The following API5 variants were observed in gnomAD, a reference collection of about 807,000 sequenced individuals.
API5 encodes FIF.
Under a neutral mutation model 71.9 loss-of-function variants are expected in API5, and 6 were observed. The ratio of observed to expected loss-of-function variants is 0.08; its 90% CI spans 0.05 to 0.16. The LOEUF (loss-of-function observed/expected upper bound fraction) is 0.16. API5 is among the 10% of genes least tolerant of loss of function. The pLI is 1.00. For synonymous variants in API5, 189 were observed against 221.3 expected (o/e 0.85, Z 1.30); for missense variants, 332 against 612.8 (o/e 0.54, Z 4.84).
At position 43,335,886 on chromosome 11, in the gene API5, T is replaced by A. The variant is rs183344229; in HGVS notation, c.1384T>A (p.Ser462Thr). Residue 462 changes from serine to threonine, a missense_variant, in exon 13 of 14, where the codon TCA becomes ACA. Physicochemically the swap from Ser to Thr is moderately conservative, Grantham distance 58 (BLOSUM62 1). Around this residue, in one of 3 missense-constraint regions of API5, gnomAD observed 168 missense variants for 343.9 expected, o/e 0.49. Coordinates refer to ENST00000531273, the MANE Select transcript of API5 (RefSeq NM_001142930.2). Reference sequence around the variant, plus strand: ...AAAGAGAGCCAGTGAAGATACAACTTCAGGTTCACCACCCAAGAAATCTTC... The same window carrying A: ...AAAGAGAGCCAGTGAAGATACAACTACAGGTTCACCACCCAAGAAATCTTC... ...GQKRASEDTT[S>T]GSPPKKSSAG... 6.2e-7 allele frequency: 1 copy of A among 1,612,520 alleles called. No homozygotes were observed. Among genetic ancestry groups the A allele is most frequent in the African/African-American group, 1.3e-5 (1 of 74,976 alleles).
intron 13 of API5, among the ~76,000 whole-genome samples, chr11:43,341,588 TA>T (rs1338050783): frequency 1.3e-5 from 2 of 151,928 alleles, no homozygotes; most frequent in African/African-American, 4.8e-5. Context: ...GCTGAGAAGA[TA>T]GGGGGAAGGA....
In API5 at chr11:43,320,131, C is replaced by T. The variant is rs573717739; in HGVS notation, c.232-690C>T. Among the ~76,000 whole-genome samples the T allele has an allele frequency of 4.9e-4, 74 of 150,832 alleles. 2 individuals are homozygous for T. In the South Asian group the frequency reaches 0.012, roughly 25 times the overall value. On this transcript the variant is annotated intron_variant, in intron 2 of 13. Transcript: ENST00000531273. Reference sequence around the variant, plus strand: ...TGCAATCTTGGCTCACTGCAACCTCCGCCTCCCTGGTTCAAGCGATTCTTC... The same window carrying T: ...TGCAATCTTGGCTCACTGCAACCTCTGCCTCCCTGGTTCAAGCGATTCTTC...
intron 5 of API5, among the ~76,000 whole-genome samples, chr11:43,322,957 A>G (rs1389562636): frequency 6.6e-6 from 1 of 152,214 alleles, no homozygotes; most frequent in Non-Finnish European, 1.5e-5. Context: ...GAGACTTGCA[A>G]GGTGACCTAT....
chr11:43,338,390 C>T (rs1235215719), intron 13 of API5, among the ~76,000 whole-genome samples: 2 of 152,036 alleles, frequency 1.3e-5, no homozygotes, highest in South Asian at 2.1e-4. Context: ...GTTTTCCTTC[C>T]AGTGCACAAA....
chr11:43,326,285 A>T (rs1387438968), intron 6 of API5, among the ~76,000 whole-genome samples: 1 of 152,060 alleles, frequency 6.6e-6, no homozygotes, highest in African/African-American at 2.4e-5. Context: ...TATATTTTTT[A>T]TTCTTTATCT....
chr11:43,337,729 A>G (rs1388819585), intron 13 of API5, among the ~76,000 whole-genome samples: 3 of 152,206 alleles, frequency 2.0e-5, no homozygotes, highest in African/African-American at 7.2e-5. Flanking sequence ...TAACAGTACC[A>G]TTCTTAAAAT....
chr11:43,330,252 T>C, intron 10 of API5, 194 bp downstream of exon 10: 1 of 618,288 alleles, frequency 1.6e-6, no homozygotes, highest in Non-Finnish European at 2.8e-6. Flanking sequence ...TCTATGTGCA[T>C]GTGACCTTAC....
chr11:43,317,239 A>T (rs932948043), intron 1 of API5, among the ~76,000 whole-genome samples: 1 of 152,162 alleles, frequency 6.6e-6, no homozygotes, highest in Non-Finnish European at 1.5e-5. Flanking sequence ...ATATATGTGT[A>T]GTCTTTCTGT....
At chr11:43,338,460 T>A (rs1855505476) in intron 13 of API5, among the ~76,000 whole-genome samples, 1 of 152,106 alleles carries the variant, frequency 6.6e-6, no homozygotes, top group Non-Finnish European at 1.5e-5. Flanking sequence ...TGTTCTTTAC[T>A]TTTTGGAATA....
At chr11:43,333,774 A>G (rs1277426666) in intron 11 of API5, among the ~76,000 whole-genome samples, 1 of 150,766 alleles carries the variant, frequency 6.6e-6, no homozygotes, top group Non-Finnish European at 1.5e-5. Flanking sequence ...ACTCTGGTTC[A>G]TGCAATCTCA....
intron 13 of API5, chr11:43,339,297 A>G (rs1205056460): frequency 1.3e-5 from 2 of 152,202 alleles, no homozygotes; most frequent in Non-Finnish European, 2.9e-5. Flanking sequence ...AATGGCAAAA[A>G]AATTGATTGC....
intron 11 of API5, chr11:43,332,084 T>C (rs1226332216): frequency 6.6e-6 from 1 of 152,218 alleles, no homozygotes; most frequent in African/African-American, 2.4e-5. Context: ...ATCTGTAAGT[T>C]ATCTAAAGGA....
Position 43,330,504 on chromosome 11 carries a change from G to A in API5, c.1222-4G>A, listed in dbSNP as rs1186329767. The A allele has an allele frequency of 3.1e-6, 5 of 1,590,304 alleles. No homozygotes were observed. Among genetic ancestry groups the A allele is most frequent in the East Asian group, 2.2e-5 (1 of 44,554 alleles). On this transcript the variant is annotated splice_region_variant and splice_polypyrimidine_tract_variant and intron_variant, in intron 10 of 13. Coordinates refer to ENST00000531273, the MANE Select transcript of API5 (RefSeq NM_001142930.2). ...TTTGTCTTAATTTTCCTTTCCCTTTGTAGAACAAGATTAAAGTCGTTGCAT... is the reference window on the plus strand; with the variant it reads ...TTTGTCTTAATTTTCCTTTCCCTTTATAGAACAAGATTAAAGTCGTTGCAT...
rs745837171 is a variant in API5 at position 43,330,033 on chromosome 11, C to T, written c.1196C>T (p.Thr399Met). Residue 399 changes from threonine to methionine, a missense_variant, in exon 10 of 14, where the codon ACG becomes ATG. Thr to Met is a moderately conservative substitution (Grantham distance 81). Around this residue, in one of 3 missense-constraint regions of API5, gnomAD observed 168 missense variants for 343.9 expected, o/e 0.49. Transcript: ENST00000531273. ...RQLRLALQGK[T>M]GEALKTEENK... ...CTTCGCTTAGCTCTCCAGGGTAAAA[C>T]GGGTGAGGCCTTAAAAACAGAAGAG... 6.2e-6 allele frequency: 10 copies of T among 1,613,750 alleles called. No homozygotes were observed. Among genetic ancestry groups the T allele is most frequent in the East Asian group, 4.5e-5 (2 of 44,840 alleles).
chr11:43,326,188 A>G (rs1038179379), intron 6 of API5, among the ~76,000 whole-genome samples: 2 of 152,230 alleles, frequency 1.3e-5, no homozygotes, highest in Non-Finnish European at 2.9e-5. Flanking sequence ...TTAAGTTCCC[A>G]GGACCCTCAG....
intron 11 of API5, among the ~76,000 whole-genome samples, chr11:43,330,818 A>AT (rs1482972270): frequency 1.3e-5 from 2 of 152,236 alleles, no homozygotes; most frequent in Non-Finnish European, 2.9e-5. Flanking sequence ...GACATGTGGT[A>AT]TGTAGCACAA....
chr11:43,322,706 A>G (rs1374870062), intron 5 of API5, among the ~76,000 whole-genome samples: 10 of 152,194 alleles, frequency 6.6e-5, no homozygotes, highest in Admixed American at 5.2e-4. Context: ...AAGATTCAGC[A>G]TTTTATCTAA....
intron 11 of API5, among the ~76,000 whole-genome samples, chr11:43,333,767 C>G (rs986692480): frequency 6.6e-6 from 1 of 151,552 alleles, no homozygotes; most frequent in Non-Finnish European, 1.5e-5. Context: ...AGAGTAGACT[C>G]TGGTTCATGC....
chr11:43,342,708 T>G lies in API5; in HGVS notation c.*198T>G, dbSNP rs1463812611. The G allele has an allele frequency of 2.9e-6, 2 of 685,950 alleles. No individual in the cohort carries two copies. Among genetic ancestry groups the G allele is most frequent in the African/African-American group, 3.5e-5 (2 of 56,694 alleles). The allele number at this position is 685,950 out of a possible 1,614,324, so 42.5% of individuals were successfully genotyped here. Reference sequence around the variant, plus strand: ...CCAAGGTAAAACCACAGTGATATTTTTGGATGCTTTGTCTGCAATCTTGAC... The same window carrying G: ...CCAAGGTAAAACCACAGTGATATTTGTGGATGCTTTGTCTGCAATCTTGAC... On this transcript the variant is annotated 3_prime_UTR_variant, in exon 14 of 14. Coordinates refer to ENST00000531273, the MANE Select transcript of API5 (RefSeq NM_001142930.2).
Sources: allele counts gnomAD v4.1 joint callset (sites outside exome capture counted in the v4.1 genomes callset), GRCh38; gene constraint gnomAD v4.1.1; regional missense constraint gnomAD v4.1.1; transcripts MANE v1.5; gene names NCBI Gene and HGNC (gene_info 2026-07-23, HGNC 2026-07-21).